Variants in CSMD3 observed in about 807,000 individuals in gnomAD.
CSMD3 encodes CUB and sushi domain-containing protein 3.
Under a neutral mutation model 435.2 loss-of-function variants are expected in CSMD3, and 177 were observed. The ratio of observed to expected loss-of-function variants is 0.41; its 90% CI spans 0.36 to 0.46. The LOEUF is 0.46. Ranked by LOEUF, CSMD3 falls within the 20% of genes least tolerant of loss-of-function variation. The pLI is 0.34. For missense variants in CSMD3, 4,265 were observed against 4,504.6 expected (o/e 0.95, Z 1.52); for synonymous variants, 1,656 against 1,520.5 (o/e 1.09, Z -2.07).
chr8:112,751,241 C>T (rs1434416159), intron 13 of CSMD3, among the ~76,000 whole-genome samples: 2 of 152,062 alleles, frequency 1.3e-5, no homozygotes, highest in Non-Finnish European at 2.9e-5. Context: ...AGGGTGAGAA[C>T]AGACTAATAC....
chr8:112,713,369 T>TAAAC (rs897927346), intron 13 of CSMD3, among the ~76,000 whole-genome samples: 1 of 149,652 alleles, frequency 6.7e-6, no homozygotes, highest in Non-Finnish European at 1.5e-5. Flanking sequence ...AATAAATAAA[T>TAAAC]AAATAAATAA....
At chr8:112,664,532 C>A (rs2075470429) in intron 17 of CSMD3, among the ~76,000 whole-genome samples, 1 of 152,064 alleles carries the variant, frequency 6.6e-6, no homozygotes, top group Admixed American at 6.6e-5. Context: ...AACAAAATGC[C>A]AAATGAATGT....
chr8:112,904,038 T>C (rs2082183987), intron 10 of CSMD3, among the ~76,000 whole-genome samples: 2 of 151,396 alleles, frequency 1.3e-5, no homozygotes, highest in South Asian at 2.1e-4. Context: ...AGGTCCTTCT[T>C]AAGAATAGGG....
chr8:113,296,949 G>A (rs1046368488), intron 2 of CSMD3, among the ~76,000 whole-genome samples: 1 of 152,026 alleles, frequency 6.6e-6, no homozygotes, highest in Non-Finnish European at 1.5e-5. Context: ...AAAAAATAAA[G>A]CATTTATAGA....
chr8:112,264,552 G>A (rs1351887532), intron 60 of CSMD3, among the ~76,000 whole-genome samples: 3 of 151,900 alleles, frequency 2.0e-5, no homozygotes, highest in African/African-American at 4.8e-5. Context: ...ATATCAGTAT[G>A]AATTAATAAG....
chr8:113,130,478 C>T (rs993682346), intron 4 of CSMD3, among the ~76,000 whole-genome samples: 2 of 152,148 alleles, frequency 1.3e-5, no homozygotes, highest in Non-Finnish European at 2.9e-5. Flanking sequence ...GACGTGCTTG[C>T]TTCCCCTTCA....
At chr8:112,723,301 A>G (rs2076899588) in intron 13 of CSMD3, among the ~76,000 whole-genome samples, 1 of 152,116 alleles carries the variant, frequency 6.6e-6, no homozygotes, top group Non-Finnish European at 1.5e-5. Flanking sequence ...CTATTTCCTA[A>G]GGAAGAAACT....
At chr8:113,184,384 G>A (rs185339150) in intron 3 of CSMD3, among the ~76,000 whole-genome samples, 3 of 151,944 alleles carry the variant, frequency 2.0e-5, no homozygotes, top group East Asian at 3.9e-4. Context: ...CTTGAAGGCC[G>A]AAAATCTCAA....
intron 9 of CSMD3, among the ~76,000 whole-genome samples, chr8:112,944,608 T>A (rs1003666067): frequency 1.4e-4 from 22 of 151,740 alleles, no homozygotes; most frequent in African/African-American, 4.1e-4. Flanking sequence ...TCAGCATATT[T>A]AAGTTGGTTT....
rs543462690 is a variant in CSMD3 at position 112,722,712 on chromosome 8, G to A, written c.1973-32662C>T. Among the ~76,000 whole-genome samples, 8 of 152,082 alleles carry A rather than the reference G, an allele frequency of 5.3e-5. 1 individual carries two copies. The South Asian group carries it at 1.5e-3, about 28-fold the overall frequency. On this transcript the variant is annotated intron_variant, in intron 13 of 70. Transcript: ENST00000297405. Reference sequence around the variant, plus strand: ...TTCTTATTCTTTCAGTGTTTCTGAAGGTTTTAAACTTTTCAAAATAGACAC... The same window carrying A: ...TTCTTATTCTTTCAGTGTTTCTGAAAGTTTTAAACTTTTCAAAATAGACAC...
At chr8:112,854,290 T>A (rs2080583802) in intron 11 of CSMD3, among the ~76,000 whole-genome samples, 1 of 152,322 alleles carries the variant, frequency 6.6e-6, no homozygotes, top group South Asian at 2.1e-4. Flanking sequence ...GTTTGCTTAT[T>A]TTTTGGTCTT....
chr8:113,419,871 T>G (rs2094601581), intron 1 of CSMD3, among the ~76,000 whole-genome samples: 1 of 152,152 alleles, frequency 6.6e-6, no homozygotes, highest in African/African-American at 2.4e-5. Flanking sequence ...TCAATCACAC[T>G]AATCTAATGG....
At chr8:112,242,857 A>G (rs1299956243) in intron 65 of CSMD3, among the ~76,000 whole-genome samples, 1 of 152,106 alleles carries the variant, frequency 6.6e-6, no homozygotes, top group African/African-American at 2.4e-5. Flanking sequence ...CTACATAAGG[A>G]CAGCTGTTGA....
chr8:113,394,141 T>G (rs527774877), intron 1 of CSMD3, among the ~76,000 whole-genome samples: 2 of 140,984 alleles, frequency 1.4e-5, no homozygotes, highest in African/African-American at 5.5e-5. Flanking sequence ...CTAAAAAAAC[T>G]CTAATAATTT....
Position 113,071,675 on chromosome 8 carries a change from T to C in CSMD3, c.917+27081A>G, listed in dbSNP as rs116295419. ...TCTATTCTGTTCCATTGTCTGTTTT[T>C]ATGGTAGTTATATTATTTTGATTAC... On this transcript the variant is annotated intron_variant, in intron 5 of 70. Transcript: ENST00000297405. 7.8e-3 allele frequency among the ~76,000 whole-genome samples: 1,184 copies of C among 151,964 alleles called. 20 individuals carry two copies. The highest frequency in any genetic ancestry group is 0.027 in the African/African-American group (1,110 of 41,532).
intron 6 of CSMD3, among the ~76,000 whole-genome samples, chr8:113,016,950 G>A (rs1379285677): frequency 6.6e-6 from 1 of 151,680 alleles, no homozygotes; most frequent in Non-Finnish European, 1.5e-5. Flanking sequence ...ATTATTTTAA[G>A]GTAATGCAAT....
chr8:113,394,159 TACACACACACACAC>T (rs3080772), intron 1 of CSMD3, among the ~76,000 whole-genome samples: 3 of 137,156 alleles, frequency 2.2e-5, no homozygotes, highest in African/African-American at 5.2e-5. Context: ...TTTGTTGAAT[TACACACACACACAC>T]ACACACACAC....
chr8:113,006,660 G>A (rs779203181), intron 6 of CSMD3, among the ~76,000 whole-genome samples: 3 of 151,988 alleles, frequency 2.0e-5, no homozygotes, highest in South Asian at 2.1e-4. Flanking sequence ...TGTGCTTCTC[G>A]GGGCAATAAT....
intron 4 of CSMD3, among the ~76,000 whole-genome samples, chr8:113,154,040 T>C (rs765626002): frequency 6.6e-6 from 1 of 152,048 alleles, no homozygotes; most frequent in Non-Finnish European, 1.5e-5. Context: ...GGTGCACATA[T>C]TTAAATTATA....
Sources: allele counts gnomAD v4.1 joint callset (sites outside exome capture counted in the v4.1 genomes callset), GRCh38; gene constraint gnomAD v4.1.1; transcripts MANE v1.5; gene names NCBI Gene and HGNC (gene_info 2026-07-23, HGNC 2026-07-21).